Variants in HDAC11 observed in about 807,000 individuals in gnomAD.
HDAC11 encodes the protein histone deacetylase 11.
HDAC11 carries 23 observed loss-of-function variants against 41.1 expected under a neutral mutation model. The observed-to-expected ratio is 0.56, with a 90% CI of 0.40 to 0.79. The LOEUF is 0.79. HDAC11 is among the 30% of genes least tolerant of loss of function. The pLI is 0.00. For synonymous variants in HDAC11, 187 were observed against 186.6 expected, an observed-to-expected ratio of 1.00 and a Z score of -0.02; for missense variants, 402 against 477.3, an observed-to-expected ratio of 0.84 and a Z score of 1.47.
chr3:13,486,665 G>A lies in HDAC11; in HGVS notation c.252+3101G>A, dbSNP rs1701605613. ...GCGATCTCAGCTCACAGCAACCTCT[G>A]CCTCTTGGTTCAAGCGATTCTCCTG... is the stretch of plus-strand genomic sequence containing the variant. On this transcript the variant is annotated intron_variant, in intron 3 of 9. Transcript: ENST00000295757. Among the ~76,000 whole-genome samples, 3 of 142,746 alleles carry A rather than the reference G, an allele frequency of 2.1e-5. No homozygotes were observed. The Admixed American group carries it at 2.3e-4, about 11-fold the overall frequency. The allele number at this position is 142,746 out of a possible 152,430, so 93.6% of individuals were successfully genotyped here.
Position 13,504,078 on chromosome 3 carries a change from C to A in HDAC11, c.650-16C>A. The A allele has an allele frequency of 6.2e-7, 1 of 1,612,514 alleles. No homozygotes were observed. Among genetic ancestry groups the A allele is most frequent in the Non-Finnish European group, 8.5e-7 (1 of 1,179,120 alleles). ...CCCTTCTCTATAAATTGAGGCCATC[C>A]ATGTCTCTCTCCCAGAGGCCATCAG... On this transcript the variant is annotated splice_polypyrimidine_tract_variant and intron_variant, in intron 8 of 9. Transcript: ENST00000295757.
intron 5 of HDAC11, among the ~76,000 whole-genome samples, chr3:13,499,379 G>C (rs1702250003): frequency 6.6e-6 from 1 of 152,164 alleles, no homozygotes; most frequent in African/African-American, 2.4e-5. Context: ...ATGTTGGTCA[G>C]GCTGGGTCTT....
At chr3:13,486,209 G>A (rs554915706) in intron 3 of HDAC11, among the ~76,000 whole-genome samples, 1 of 140,118 alleles carries the variant, frequency 7.1e-6, no homozygotes, top group African/African-American at 2.8e-5. Context: ...AGAGGTTGCA[G>A]TGAGCCGAGA....
chr3:13,488,617 A>C (rs1206692296), intron 3 of HDAC11, among the ~76,000 whole-genome samples: 1 of 152,232 alleles, frequency 6.6e-6, no homozygotes, highest in African/African-American at 2.4e-5. Flanking sequence ...ATTCCTTTTC[A>C]CAGCAGAATG....
chr3:13,505,211 G>A lies in HDAC11; in HGVS notation c.*528G>A, dbSNP rs1486356496. On this transcript the variant is annotated 3_prime_UTR_variant, in exon 10 of 10. Coordinates refer to ENST00000295757, the MANE Select transcript of HDAC11 (RefSeq NM_024827.4). ...GGAGGTGCTGGAGCTAGGTCTCCAG[G>A]TGGGCCTGGTTCCCAGGCAGCAGGT... 1.2e-5 allele frequency: 2 copies of A among 163,740 alleles called. No homozygotes were observed. Among genetic ancestry groups the A allele is most frequent in the Non-Finnish European group, 2.7e-5 (2 of 74,064 alleles). The allele number at this position is 163,740 out of a possible 1,614,324, so 10.1% of individuals were successfully genotyped here.
intron 3 of HDAC11, among the ~76,000 whole-genome samples, chr3:13,487,348 T>C (rs1447073990): frequency 6.6e-6 from 1 of 152,212 alleles, no homozygotes; most frequent in African/African-American, 2.4e-5. Flanking sequence ...GTGTGCTGTG[T>C]AACATCCACC....
At chr3:13,504,422 C>T in intron 9 of HDAC11, 46 bp from the exon 10 acceptor site, 2 of 1,605,748 alleles carry the variant, frequency 1.2e-6, no homozygotes, top group Non-Finnish European at 1.7e-6. Flanking sequence ...TTCCTGACAC[C>T]ATGGGGGTCT....
chr3:13,502,001 C>T lies in HDAC11; in HGVS notation c.552+68C>T. On this transcript the variant is annotated intron_variant, in intron 7 of 9. Transcript: ENST00000295757. The surrounding 1 kb of genome is among the most constrained non-coding windows in gnomAD (Gnocchi z 4.1). ...CCCCAGTTCCAGAATCTTCCCGGGG[C>T]AGGAGAGTCTCCCTCCTCATGTCCC... is the stretch of plus-strand genomic sequence containing the variant. 1 of 1,346,238 alleles carries T rather than the reference C, an allele frequency of 7.4e-7. No homozygotes were observed. Among genetic ancestry groups the T allele is most frequent in the Non-Finnish European group, 1.1e-6 (1 of 941,322 alleles). The allele number at this position is 1,346,238 out of a possible 1,614,324, so 83.4% of individuals were successfully genotyped here.
intron 3 of HDAC11, among the ~76,000 whole-genome samples, chr3:13,495,044 TC>T (rs1249162246): frequency 1.3e-5 from 2 of 151,946 alleles, no homozygotes; most frequent in East Asian, 3.9e-4. Flanking sequence ...CTAAAACTCC[TC>T]CTCCTGGTTG....
At chr3:13,498,645 A>G in intron 5 of HDAC11, 90 bp downstream of exon 5, 1 of 1,318,914 alleles carries the variant, frequency 7.6e-7, no homozygotes, top group South Asian at 1.2e-5. Context: ...AGGATCCTGG[A>G]GGTGGCAGCT....
In HDAC11 at chr3:13,504,243, C is replaced by T. The variant is rs141598514; in HGVS notation, c.799C>T (p.Arg267Cys). ...AGGCACCGACATCCTCGAGGGGGAC[C>T]GCCTTGGGGGGCTGTCCATCAGCCC... Reference protein sequence around the residue: ...NAGTDILEGDRLGGLSISPAG... With the variant: ...NAGTDILEGDCLGGLSISPAG... Residue 267 changes from arginine to cysteine, a missense_variant, in exon 9 of 10, where the codon CGC becomes TGC. Physicochemically the swap from Arg to Cys is radical, Grantham distance 180. Transcript: ENST00000295757. 5.7e-5 allele frequency: 92 copies of T among 1,613,432 alleles called. 1 individual carries two copies. Among genetic ancestry groups the T allele is most frequent in the Middle Eastern group, 1.6e-4 (1 of 6,072 alleles).
intron 3 of HDAC11, among the ~76,000 whole-genome samples, chr3:13,485,474 A>G (rs1278890567): frequency 6.6e-6 from 1 of 152,156 alleles, no homozygotes; most frequent in Non-Finnish European, 1.5e-5. Flanking sequence ...GAGAAACCAA[A>G]ACAGAATGGT....
At chr3:13,485,024 A>T (rs1701495247) in intron 3 of HDAC11, among the ~76,000 whole-genome samples, 1 of 152,202 alleles carries the variant, frequency 6.6e-6, no homozygotes, top group Admixed American at 6.5e-5. Flanking sequence ...GCCACAGTGG[A>T]TGCCTGAGGC....
intron 3 of HDAC11, among the ~76,000 whole-genome samples, chr3:13,485,172 G>A (rs967932125): frequency 2.6e-5 from 4 of 152,268 alleles, no homozygotes; most frequent in African/African-American, 9.6e-5. Context: ...TTCCCAGTCA[G>A]GGCTGCTGCC....
intron 4 of HDAC11, 74 bp from the exon 5 acceptor site, chr3:13,498,439 A>C: frequency 3.8e-6 from 6 of 1,563,562 alleles, no homozygotes; most frequent in Non-Finnish European, 4.4e-6. Context: ...TTATGGAATG[A>C]GTGCATGAAT....
chr3:13,488,481 G>A (rs947176719), intron 3 of HDAC11, among the ~76,000 whole-genome samples: 1 of 152,016 alleles, frequency 6.6e-6, no homozygotes, highest in Non-Finnish European at 1.5e-5. Flanking sequence ...CTATGGATTT[G>A]CCTATCCTGG....
intron 6 of HDAC11, chr3:13,501,568 G>T: frequency 1.6e-6 from 1 of 625,250 alleles, no homozygotes; most frequent in Non-Finnish European, 3.1e-6. Context: ...ACATTTCCTA[G>T]GGAATCTGGG....
chr3:13,500,791 T>C lies in HDAC11; in HGVS notation c.489+2T>C, dbSNP rs2125010806. ...GCGGACATCACGCTCGCCATCAAGG[T>C]GTGTCTATGAGCAAGTGGGGTCTCG... is the stretch of plus-strand genomic sequence containing the variant. On this transcript the variant is annotated splice_donor_variant, in intron 6 of 9. Coordinates refer to ENST00000295757, the MANE Select transcript of HDAC11 (RefSeq NM_024827.4). LOFTEE classifies it high-confidence loss of function. 1.9e-6 allele frequency: 3 copies of C among 1,558,868 alleles called. No homozygotes were observed. The highest frequency in any genetic ancestry group is 2.6e-6 in the Non-Finnish European group (3 of 1,148,548).
In HDAC11 at chr3:13,490,314, G is replaced by A. The variant is rs372213090; in HGVS notation, c.253-6422G>A. 3.5e-4 allele frequency among the ~76,000 whole-genome samples: 53 copies of A among 152,088 alleles called. No individual in the cohort carries two copies. In the South Asian group the frequency reaches 7.3e-3, roughly 21 times the overall value. On this transcript the variant is annotated intron_variant, in intron 3 of 9. Transcript: ENST00000295757. ...GCCAACTTTGTTCTTTTTTAAGATC[G>A]TTTTGGCTGTTTGAGGTCCCTTGAG... is the stretch of plus-strand genomic sequence containing the variant.
Sources: allele counts gnomAD v4.1 joint callset (sites outside exome capture counted in the v4.1 genomes callset), GRCh38; gene constraint gnomAD v4.1.1; non-coding constraint Gnocchi (gnomAD v3.1); transcripts MANE v1.5; gene names NCBI Gene and HGNC (gene_info 2026-07-23, HGNC 2026-07-21).